CCSER1: variants seen among roughly 807,000 people sequenced by gnomAD.
CCSER1 encodes the protein coiled-coil serine rich protein 1, also known as serine-rich coiled-coil domain-containing protein 1.
Under a neutral mutation model 82.0 loss-of-function variants are expected in CCSER1, and 41 were observed. The observed-to-expected ratio is 0.50, with a 90% CI of 0.39 to 0.65. The LOEUF (loss-of-function observed/expected upper bound fraction) is 0.65. CCSER1 is among the 30% of genes least tolerant of loss of function. The probability of loss-of-function intolerance (pLI) is 0.00; values close to 1 mark genes in which losing one functional copy is unlikely to be tolerated. For synonymous variants in CCSER1, 414 were observed against 383.9 expected, an observed-to-expected ratio of 1.08 and a Z score of -0.92; for missense variants, 1,119 against 1,064.2, an observed-to-expected ratio of 1.05 and a Z score of -0.72.
At chr4:90,142,626 CT>C (rs35514100) in intron 1 of CCSER1, among the ~76,000 whole-genome samples, 311 of 145,272 alleles carry the variant, frequency 2.1e-3, no homozygotes, top group South Asian at 4.6e-3. Flanking sequence ...TTATTTACCA[CT>C]TTTTTTTTTT....
intron 8 of CCSER1, among the ~76,000 whole-genome samples, chr4:90,919,034 G>T (rs553378633): frequency 7.1e-6 from 1 of 140,440 alleles, no homozygotes; most frequent in South Asian, 2.3e-4. Flanking sequence ...GTGGAATTGT[G>T]CTTTTACAGG....
chr4:90,315,102 A>G (rs943564051), intron 3 of CCSER1, among the ~76,000 whole-genome samples: 1 of 152,040 alleles, frequency 6.6e-6, no homozygotes. Context: ...CACCCGCCTC[A>G]GCCTCCCAGC....
chr4:90,462,950 A>G (rs571987025), intron 4 of CCSER1, among the ~76,000 whole-genome samples: 78 of 152,284 alleles, frequency 5.1e-4, no homozygotes, highest in African/African-American at 1.8e-3. Context: ...AAGTCAATAG[A>G]CTTATAACCA....
intron 10 of CCSER1, among the ~76,000 whole-genome samples, chr4:91,106,980 C>A (rs1253898186): frequency 6.6e-6 from 1 of 152,162 alleles, no homozygotes; most frequent in Admixed American, 6.5e-5. Flanking sequence ...TTTCATAAGA[C>A]TGTAATGGGG....
At chr4:91,078,871 A>G (rs1420562690) in intron 9 of CCSER1, among the ~76,000 whole-genome samples, 2 of 152,212 alleles carry the variant, frequency 1.3e-5, no homozygotes, top group African/African-American at 2.4e-5. Context: ...CGACAAGAGA[A>G]GTTTAGAGAA....
chr4:90,411,055 C>A lies in CCSER1; in HGVS notation c.1603+10926C>A, dbSNP rs184447656. Among the ~76,000 whole-genome samples, 91 of 152,268 alleles carry A rather than the reference C, an allele frequency of 6.0e-4. No homozygotes were observed. The East Asian group carries it at 8.3e-3, about 14-fold the overall frequency. On this transcript the variant is annotated intron_variant, in intron 4 of 10. Coordinates refer to ENST00000509176, the MANE Select transcript of CCSER1 (RefSeq NM_001145065.2). ...ATGGATAAATTCCTGGACACATACA[C>A]CTCCTAAGGCTAAACCAGGAAGAAG...
intron 10 of CCSER1, among the ~76,000 whole-genome samples, chr4:91,088,984 C>T (rs1424976454): frequency 6.6e-6 from 1 of 151,940 alleles, no homozygotes; most frequent in African/African-American, 2.4e-5. Flanking sequence ...AGTATTAAAG[C>T]TTCTGTGTGT....
At chr4:91,211,706 ATCC>A (rs1213173411) in intron 10 of CCSER1, among the ~76,000 whole-genome samples, 8 of 152,090 alleles carry the variant, frequency 5.3e-5, no homozygotes, top group Non-Finnish European at 1.0e-4. Flanking sequence ...CTTTCTCAAT[ATCC>A]TCATATAAAA....
At chr4:90,542,277 C>G (rs964537142) in intron 5 of CCSER1, among the ~76,000 whole-genome samples, 8 of 152,108 alleles carry the variant, frequency 5.3e-5, no homozygotes, top group Admixed American at 5.2e-4. Context: ...TCTTTGTTAC[C>G]TGATGACACT....
intron 1 of CCSER1, among the ~76,000 whole-genome samples, chr4:90,156,779 G>A (rs992907821): frequency 2.0e-5 from 3 of 147,268 alleles, no homozygotes; most frequent in Non-Finnish European, 4.6e-5. Context: ...CTGCACATGA[G>A]ATGGGTTTCC....
intron 10 of CCSER1, among the ~76,000 whole-genome samples, chr4:91,159,067 C>T (rs1055434103): frequency 1.3e-5 from 2 of 151,910 alleles, no homozygotes; most frequent in Admixed American, 6.6e-5. Context: ...CCAGTGATTT[C>T]CCATTGCTCA....
At chr4:91,012,753 G>T (rs1420154885) in intron 9 of CCSER1, among the ~76,000 whole-genome samples, 1 of 82,628 alleles carries the variant, frequency 1.2e-5, no homozygotes, top group East Asian at 5.1e-4. Flanking sequence ...GGACCAGGGG[G>T]ATGGTGTTGG....
chr4:90,278,607 C>T lies in CCSER1; in HGVS notation c.-41-29637C>T, dbSNP rs950469069. Among the ~76,000 whole-genome samples the T allele has an allele frequency of 3.3e-5, 5 of 151,514 alleles. No individual in the cohort carries two copies. The East Asian group carries it at 5.8e-4, about 18-fold the overall frequency. On this transcript the variant is annotated intron_variant, in intron 1 of 10. Transcript: ENST00000509176. ...CCAAATACTTCATGTTATTACTTAC[C>T]GGTGAGAGTTTAACATTGGGCACAC...
intron 10 of CCSER1, among the ~76,000 whole-genome samples, chr4:91,440,862 A>T (rs1479956895): frequency 6.6e-6 from 1 of 152,250 alleles, no homozygotes; most frequent in Non-Finnish European, 1.5e-5. Context: ...GTAAACTAGA[A>T]AATCTAGAAG....
At position 91,178,562 on chromosome 4, in the gene CCSER1, A is replaced by T. The variant is rs181944302; in HGVS notation, c.2217+92568A>T. Among the ~76,000 whole-genome samples the T allele has an allele frequency of 1.1e-4, 16 of 152,276 alleles. 1 individual carries two copies. In the East Asian group the frequency reaches 2.3e-3, roughly 22 times the overall value. On this transcript the variant is annotated intron_variant, in intron 10 of 10. Transcript: ENST00000509176. ...GAATTGATCCCTTTACCATTATGTA[A>T]TGGCCTTCCTTCTCTTTTGATCTTT...
intron 10 of CCSER1, among the ~76,000 whole-genome samples, chr4:91,504,396 G>A (rs1759376989): frequency 6.6e-6 from 1 of 152,016 alleles, no homozygotes; most frequent in African/African-American, 2.4e-5. Flanking sequence ...AGAATGAAAT[G>A]AAAGCATAAT....
intron 1 of CCSER1, among the ~76,000 whole-genome samples, chr4:90,161,040 A>G (rs527922586): frequency 9.9e-5 from 15 of 152,172 alleles, no homozygotes; most frequent in Non-Finnish European, 1.0e-4. Context: ...ACAAGGCCAA[A>G]TAAAACTACC....
chr4:90,637,524 A>G (rs1188935353), intron 6 of CCSER1, among the ~76,000 whole-genome samples: 2 of 152,082 alleles, frequency 1.3e-5, no homozygotes, highest in African/African-American at 4.8e-5. Context: ...CTACCAGTCA[A>G]TGGTGTATTC....
chr4:91,062,388 C>T (rs946145440), intron 9 of CCSER1, among the ~76,000 whole-genome samples: 5 of 152,046 alleles, frequency 3.3e-5, no homozygotes, highest in Admixed American at 3.3e-4. Flanking sequence ...GCTGATCTGG[C>T]TCATTGTACA....
Sources: gnomAD v4.1 joint callset for allele counts (sites outside exome capture counted in the v4.1 genomes callset) on GRCh38, gnomAD v4.1.1 for gene constraint, MANE v1.5 for transcripts, NCBI Gene and HGNC (gene_info 2026-07-23, HGNC 2026-07-21) for gene names.